The following ETNPPL variants were observed in gnomAD, a reference collection of about 807,000 sequenced individuals.
ETNPPL encodes the protein alanine--glyoxylate aminotransferase 2-like 1.
Under a neutral mutation model 55.5 loss-of-function variants are expected in ETNPPL, and 30 were observed. The observed-to-expected ratio is 0.54, with a 90% CI of 0.40 to 0.73. The LOEUF (loss-of-function observed/expected upper bound fraction) is 0.73. Ranked by LOEUF, ETNPPL falls within the 30% of genes least tolerant of loss-of-function variation. The probability of loss-of-function intolerance (pLI) is 0.00; values close to 1 mark genes in which losing one functional copy is unlikely to be tolerated. For missense variants in ETNPPL, 528 were observed against 607.9 expected, an observed-to-expected ratio of 0.87 and a Z score of 1.38; for synonymous variants, 202 against 207.2, an observed-to-expected ratio of 0.98 and a Z score of 0.21.
chr4:108,746,413 T>G lies in ETNPPL; in HGVS notation c.1289A>C (p.Asp430Ala). The change falls in exon 11 of 13, where the codon GAT (aspartate) becomes GCT (alanine). Residue 430 changes from aspartate (D) to alanine (A), a missense_variant. Transcript: ENST00000296486. ...CATGGACCCACCTGTTAGAATCCTA[T>G]CAAGTTGGTCCACCATGAACTTTGC... ...EDAKFMVDQL[D>A]RILTVLEEAM... The G allele has an allele frequency of 1.2e-6, 2 of 1,613,386 alleles. No homozygotes were observed. The highest frequency in any genetic ancestry group is 1.7e-6 in the Non-Finnish European group (2 of 1,179,822).
In ETNPPL at chr4:108,760,217, T is replaced by A. The variant is rs367910847; in HGVS notation, c.146A>T (p.Tyr49Phe). ...QYMFDENGEQYLDCINNVAHV... is the reference protein window; with the variant it reads ...QYMFDENGEQFLDCINNVAHV... ...GGCAACATTGTTGATGCAGTCCAAG[T>A]ACTGTTCACCGTTCTCATCAAACAT... Residue 49 changes from tyrosine to phenylalanine, a missense_variant, in exon 2 of 13, where the codon TAC (tyrosine) becomes TTC (phenylalanine). Transcript: ENST00000296486. 1.2e-6 allele frequency: 2 copies of A among 1,609,722 alleles called. No individual in the cohort carries two copies. Among genetic ancestry groups the A allele is most frequent in the Non-Finnish European group, 1.7e-6 (2 of 1,176,208 alleles).
intron 1 of ETNPPL, 159 bp downstream of exon 1, chr4:108,762,684 C>T (rs1729568629): frequency 6.8e-6 from 6 of 878,662 alleles, no homozygotes; most frequent in Admixed American, 5.7e-5. Flanking sequence ...GTCCGCGCGG[C>T]CCCTGCAGGT....
rs554965873 is a variant in ETNPPL at position 108,760,156 on chromosome 4, C to T, written c.175+32G>A. 70 of 1,417,572 alleles carry T rather than the reference C, an allele frequency of 4.9e-5. No homozygotes were observed. In the South Asian group the frequency reaches 7.5e-4, roughly 15 times the overall value. The allele number at this position is 1,417,572 out of a possible 1,614,324, so 87.8% of individuals were successfully genotyped here. On this transcript the variant is annotated intron_variant, in intron 2 of 12. Transcript: ENST00000296486. ...AGTCAGCTTTACTCCATGAACATTT[C>T]CTCCAAAGCACTGCAAGGACAGGAC...
intron 1 of ETNPPL, 151 bp downstream of exon 1, chr4:108,762,691 AG>A: frequency 1.1e-6 from 1 of 947,104 alleles, no homozygotes; most frequent in South Asian, 1.3e-5. Flanking sequence ...CGGCCCCTGC[AG>A]GTGGAGGCGC....
chr4:108,742,675 G>T, intron 12 of ETNPPL, 63 bp from the exon 13 acceptor site: 2 of 1,590,536 alleles, frequency 1.3e-6, no homozygotes, highest in South Asian at 1.1e-5. Context: ...CCACAGGACT[G>T]ACTTAACAAG....
chr4:108,757,277 A>G (rs1352796986), intron 3 of ETNPPL, among the ~76,000 whole-genome samples: 1 of 152,208 alleles, frequency 6.6e-6, no homozygotes, highest in East Asian at 1.9e-4. Context: ...GAAAATAATA[A>G]TAAGTGGAAT....
chr4:108,743,685 T>C (rs961130037), intron 12 of ETNPPL, 104 bp downstream of exon 12: 6 of 804,652 alleles, frequency 7.5e-6, no homozygotes, highest in Admixed American at 2.1e-5. Flanking sequence ...AGGCTGGCAT[T>C]GTTCTAATGG....
At chr4:108,753,796 G>A (rs1455642325) in intron 5 of ETNPPL, among the ~76,000 whole-genome samples, 1 of 112,760 alleles carries the variant, frequency 8.9e-6, no homozygotes, top group East Asian at 6.2e-4. Context: ...AAGAAAGAAA[G>A]AAAGAAAGAA....
Position 108,759,115 on chromosome 4 carries a change from T to C in ETNPPL, c.335+634A>G, listed in dbSNP as rs540386810. ...TTGAGTTTCCTTCTTTTTTCTTTTC[T>C]TATGTTTGTATTGGGGAAATATGCT... is the stretch of plus-strand genomic sequence containing the variant. On this transcript the variant is annotated intron_variant, in intron 3 of 12. Transcript: ENST00000296486. Among the ~76,000 whole-genome samples, 5 of 152,268 alleles carry C rather than the reference T, an allele frequency of 3.3e-5. No homozygotes were observed. The South Asian group carries it at 1.0e-3, about 32-fold the overall frequency.
Position 108,749,400 on chromosome 4 carries a change from A to T in ETNPPL, c.765T>A (p.Val255=). The T allele has an allele frequency of 6.2e-7, 1 of 1,614,058 alleles. No individual in the cohort carries two copies. The highest frequency in any genetic ancestry group is 8.5e-7 in the Non-Finnish European group (1 of 1,179,992). ...TCTGGAAGCTCCAGAAATGTTTCCC[A>T]ACTCTGCCAAAGCCCACTTGAACTT... ...ADEVQVGFGR[V]GKHFWSFQMY... is the part of the protein sequence containing the mutation. Residue 255 remains valine, a synonymous_variant, in exon 8 of 13, where the codon GTT becomes GTA. Transcript: ENST00000296486.
intron 1 of ETNPPL, among the ~76,000 whole-genome samples, chr4:108,761,272 A>T (rs1455417233): frequency 6.6e-6 from 1 of 152,218 alleles, no homozygotes; most frequent in Non-Finnish European, 1.5e-5. Flanking sequence ...CATTGGAGGT[A>T]GTTCTAGTAG....
chr4:108,753,368 T>C (rs560329845), intron 5 of ETNPPL, among the ~76,000 whole-genome samples: 3 of 152,316 alleles, frequency 2.0e-5, no homozygotes, highest in Non-Finnish European at 4.4e-5. Context: ...ATCAACTATA[T>C]TGCAAATCGT....
intron 5 of ETNPPL, among the ~76,000 whole-genome samples, chr4:108,753,303 T>C (rs1459744987): frequency 1.3e-5 from 2 of 152,176 alleles, no homozygotes; most frequent in Non-Finnish European, 2.9e-5. Flanking sequence ...TATTTAAAAA[T>C]GTCAGTGAAT....
intron 1 of ETNPPL, 153 bp downstream of exon 1, chr4:108,762,690 C>T: frequency 1.1e-6 from 1 of 944,654 alleles, no homozygotes; most frequent in Non-Finnish European, 1.7e-6. Context: ...GCGGCCCCTG[C>T]AGGTGGAGGC....
chr4:108,758,511 AGGCTGAGGTG>A (rs932421466), intron 3 of ETNPPL, among the ~76,000 whole-genome samples: 12 of 152,164 alleles, frequency 7.9e-5, no homozygotes, highest in Non-Finnish European at 1.6e-4. Flanking sequence ...GCACTTTGGA[AGGCTGAGGTG>A]GGCAGATTGC....
At chr4:108,753,791 A>ATAAAT (rs1208876399) in intron 5 of ETNPPL, among the ~76,000 whole-genome samples, 1 of 108,864 alleles carries the variant, frequency 9.2e-6, no homozygotes, top group South Asian at 3.4e-4. Flanking sequence ...AAAGAAAGAA[A>ATAAAT]GAAAGAAAGA....
chr4:108,753,890 A>C (rs1729068860), intron 5 of ETNPPL, among the ~76,000 whole-genome samples: 2 of 151,846 alleles, frequency 1.3e-5, no homozygotes, highest in South Asian at 4.1e-4. Context: ...CCTTTTCAAC[A>C]ACTTGGTTGG....
Position 108,749,306 on chromosome 4 carries a change from C to A in ETNPPL, c.859G>T (p.Ala287Ser), listed in dbSNP as rs770929623. 1 of 1,614,000 alleles carries A rather than the reference C, an allele frequency of 6.2e-7. No homozygotes were observed. Among genetic ancestry groups the A allele is most frequent in the Non-Finnish European group, 8.5e-7 (1 of 1,180,016 alleles). Reference protein sequence around the residue: ...GKPMGNGHPVACVVTTKEIAE... With the variant: ...GKPMGNGHPVSCVVTTKEIAE... ...ATTTCTTTGGTTGTTACCACACATGCCACCGGGTGGCCGTTGCCCATCGGT... is the reference window on the plus strand; with the variant it reads ...ATTTCTTTGGTTGTTACCACACATGACACCGGGTGGCCGTTGCCCATCGGT... The change falls in exon 8 of 13, where the codon GCA (alanine) becomes TCA (serine). Residue 287 changes from alanine to serine, a missense_variant. Ala to Ser is a moderately conservative substitution (Grantham distance 99). Coordinates refer to ENST00000296486, the MANE Select transcript of ETNPPL (RefSeq NM_031279.4).
chr4:108,760,175 A>G lies in ETNPPL; in HGVS notation c.175+13T>C. 1.3e-6 allele frequency: 2 copies of G among 1,518,732 alleles called. No individual in the cohort carries two copies. Among genetic ancestry groups the G allele is most frequent in the African/African-American group, 1.4e-5 (1 of 73,032 alleles). 94.1% of individuals were successfully genotyped at this position (1,518,732 alleles called of 1,614,324 possible). Reference sequence around the variant, plus strand: ...ACATTTCCTCCAAAGCACTGCAAGGACAGGACATTTACCATGGGCAACATT... The same window carrying G: ...ACATTTCCTCCAAAGCACTGCAAGGGCAGGACATTTACCATGGGCAACATT... On this transcript the variant is annotated intron_variant, in intron 2 of 12. Transcript: ENST00000296486.
Sources: gnomAD v4.1 joint callset for allele counts (sites outside exome capture counted in the v4.1 genomes callset) on GRCh38, gnomAD v4.1.1 for gene constraint, MANE v1.5 for transcripts, NCBI Gene and HGNC (gene_info 2026-07-23, HGNC 2026-07-21) for gene names.